The following CNOT9 variants were observed in gnomAD, a reference collection of about 807,000 sequenced individuals.
CNOT9 encodes the protein CCR4-NOT transcription complex subunit 9, also known as RCD1 required for cell differentiation1 homolog.
CNOT9 carries 8 observed loss-of-function variants against 37.4 expected under a neutral mutation model. That is an observed-to-expected ratio of 0.21 (90% CI 0.13 to 0.39). The LOEUF (loss-of-function observed/expected upper bound fraction) is 0.39, where lower values mean the gene tolerates loss of function less well. Among genes scored for constraint, CNOT9 ranks in the 10% least tolerant of loss-of-function variants. The pLI is 1.00. For synonymous variants in CNOT9, 120 were observed against 137.6 expected (o/e 0.87, Z 0.90); for missense variants, 154 against 365.3 (o/e 0.42, Z 4.71).
intron 1 of CNOT9, among the ~76,000 whole-genome samples, chr2:218,579,550 G>A (rs576411744): frequency 8.0e-5 from 12 of 150,772 alleles, no homozygotes; most frequent in African/African-American, 2.7e-4. Context: ...GCAGTGGCGC[G>A]ATCTCGGCTC....
intron 1 of CNOT9, among the ~76,000 whole-genome samples, chr2:218,578,434 C>T (rs1461612883): frequency 1.3e-5 from 2 of 152,162 alleles, no homozygotes; most frequent in Non-Finnish European, 2.9e-5. Flanking sequence ...TCAACAAAGG[C>T]AGTTCTTTGT....
chr2:218,588,733 A>ATTT (rs36028807), intron 5 of CNOT9, among the ~76,000 whole-genome samples: 16 of 141,584 alleles, frequency 1.1e-4, no homozygotes, highest in Middle Eastern at 3.7e-3. Context: ...CTCCTGGCTA[A>ATTT]TTTTTTTTTT....
intron 1 of CNOT9, among the ~76,000 whole-genome samples, chr2:218,574,951 GT>G (rs911624847): frequency 4.7e-5 from 7 of 149,842 alleles, no homozygotes; most frequent in East Asian, 1.9e-4. Flanking sequence ...ATACGTCAAA[GT>G]TTTTTTTTTA....
chr2:218,576,699 C>A (rs1190317773), intron 1 of CNOT9, among the ~76,000 whole-genome samples: 1 of 152,106 alleles, frequency 6.6e-6, no homozygotes, highest in Non-Finnish European at 1.5e-5. Flanking sequence ...TGAGCACAGT[C>A]GCTTATACCT....
At chr2:218,573,640 T>C (rs1694073044) in intron 1 of CNOT9, 2 of 152,288 alleles carry the variant, frequency 1.3e-5, no homozygotes, top group Admixed American at 6.5e-5. Flanking sequence ...TCTTTACCAT[T>C]TATAGATAAA....
At chr2:218,583,716 A>G (rs757894862) in intron 3 of CNOT9, among the ~76,000 whole-genome samples, 2 of 152,194 alleles carry the variant, frequency 1.3e-5, no homozygotes, top group African/African-American at 2.4e-5. Context: ...TGAAATATGT[A>G]TGCTAGGTTG....
At chr2:218,584,743 G>A in intron 4 of CNOT9, 22 bp downstream of exon 4, 1 of 1,536,672 alleles carries the variant, frequency 6.5e-7, no homozygotes, top group Non-Finnish European at 9.0e-7. Context: ...GAATTGTTTT[G>A]CAAGCCTGAA....
At chr2:218,591,245 A>G (rs1694764898) in intron 5 of CNOT9, among the ~76,000 whole-genome samples, 1 of 152,202 alleles carries the variant, frequency 6.6e-6, no homozygotes. Context: ...AGCAGCCAAG[A>G]AAGAGTATCA....
At position 218,569,151 on chromosome 2, in the gene CNOT9, A is replaced by G. The variant is rs532043513; in HGVS notation, c.24+173A>G. Among the ~76,000 whole-genome samples the G allele has an allele frequency of 2.5e-4, 38 of 152,002 alleles. No homozygotes were observed. In the South Asian group the frequency reaches 7.1e-3, roughly 28 times the overall value. ...TTTGGTTGTGGTGGAGCCGGCCCCT[A>G]TTTCCTTGCCGGACGCCTCTCGCGG... On this transcript the variant is annotated intron_variant, in intron 1 of 7. Transcript: ENST00000273064.
intron 5 of CNOT9, among the ~76,000 whole-genome samples, chr2:218,590,426 C>T (rs1266563982): frequency 6.6e-6 from 1 of 152,190 alleles, no homozygotes; most frequent in Non-Finnish European, 1.5e-5. Context: ...AAGATTAGTG[C>T]ACTTAACACA....
intron 7 of CNOT9, 80 bp from the exon 8 acceptor site, chr2:218,594,028 A>G: frequency 7.3e-7 from 1 of 1,361,826 alleles, no homozygotes; most frequent in Admixed American, 1.9e-5. Flanking sequence ...ATTTATGTCT[A>G]AGAAGGGGGC....
At chr2:218,571,376 T>G (rs1271908323) in intron 1 of CNOT9, among the ~76,000 whole-genome samples, 2 of 152,174 alleles carry the variant, frequency 1.3e-5, no homozygotes, top group Non-Finnish European at 2.9e-5. Context: ...TGAAGGCACC[T>G]GTGAATGGCC....
chr2:218,579,722 C>G (rs1223973489), intron 1 of CNOT9, among the ~76,000 whole-genome samples: 2 of 152,128 alleles, frequency 1.3e-5, no homozygotes, highest in African/African-American at 2.4e-5. Context: ...CTCCTGACTT[C>G]ATGATCCACC....
chr2:218,593,846 A>C, intron 7 of CNOT9: 2 of 1,221,102 alleles, frequency 1.6e-6, no homozygotes. Flanking sequence ...GTTTGAATGG[A>C]AGTAAACTAT....
At chr2:218,581,168 TTC>T in intron 2 of CNOT9, 1 of 295,628 alleles carries the variant, frequency 3.4e-6, no homozygotes, top group South Asian at 2.8e-5. Context: ...TTGTTTGTTT[TTC>T]TTTTTTTTTT....
At chr2:218,569,817 T>C (rs1693912730) in intron 1 of CNOT9, among the ~76,000 whole-genome samples, 2 of 152,210 alleles carry the variant, frequency 1.3e-5, no homozygotes, top group Admixed American at 1.3e-4. Context: ...AATTGGTACC[T>C]CTTCCTTGAA....
At chr2:218,586,717 T>A (rs1024677321) in intron 4 of CNOT9, among the ~76,000 whole-genome samples, 1 of 152,120 alleles carries the variant, frequency 6.6e-6, no homozygotes, top group African/African-American at 2.4e-5. Flanking sequence ...TTGGAACTCC[T>A]GACCTCAGGT....
intron 5 of CNOT9, among the ~76,000 whole-genome samples, chr2:218,590,127 G>A (rs909084736): frequency 2.6e-5 from 4 of 151,988 alleles, no homozygotes; most frequent in Non-Finnish European, 4.4e-5. Context: ...GAGTGAAGTG[G>A]AGTGATCTCG....
intron 4 of CNOT9, among the ~76,000 whole-genome samples, chr2:218,585,935 C>G (rs1023673016): frequency 6.6e-6 from 1 of 152,104 alleles, no homozygotes; most frequent in Non-Finnish European, 1.5e-5. Context: ...AGCCACTGCA[C>G]CTAGCTGAAA....
Sources: allele counts gnomAD v4.1 joint callset (sites outside exome capture counted in the v4.1 genomes callset), GRCh38; gene constraint gnomAD v4.1.1; transcripts MANE v1.5; gene names NCBI Gene and HGNC (gene_info 2026-07-23, HGNC 2026-07-21).